Variants in PCDHGA1 observed in about 807,000 individuals in gnomAD.
The protein encoded by PCDHGA1 is protocadherin gamma-A1.
In PCDHGA1, 32 loss-of-function variants were observed where a neutral mutation model predicts 58.0. The ratio of observed to expected loss-of-function variants is 0.55; its 90% CI spans 0.42 to 0.74. The LOEUF is 0.74. Ranked by LOEUF, PCDHGA1 falls within the 30% of genes least tolerant of loss-of-function variation. The pLI, the probability that PCDHGA1 is intolerant of heterozygous loss-of-function variation, is 0.00. For missense variants in PCDHGA1, 1,205 were observed against 1,182.3 expected, an observed-to-expected ratio of 1.02 and a Z score of -0.28; for synonymous variants, 498 against 501.1, an observed-to-expected ratio of 0.99 and a Z score of 0.08.
At chr5:141,375,640 C>G (rs1375647493) in intron 1 of PCDHGA1, 1 of 1,614,226 alleles carries the variant, frequency 6.2e-7, no homozygotes, top group Non-Finnish European at 8.5e-7. Context: ...CCCTGCGCTC[C>G]TTCGACTATG....
At chr5:141,333,269 G>A in intron 1 of PCDHGA1, 164 bp downstream of exon 1, 2 of 997,224 alleles carry the variant, frequency 2.0e-6, no homozygotes, top group Admixed American at 5.4e-5. Context: ...ACGTTCATAT[G>A]CAGGTATATT....
At chr5:141,372,985 G>A (rs1018239187) in intron 1 of PCDHGA1, 2 of 639,950 alleles carry the variant, frequency 3.1e-6, no homozygotes, top group Non-Finnish European at 5.2e-6. Context: ...TATCTGTGTT[G>A]CAGTTGTTCT....
chr5:141,405,016 C>A (rs538744733), intron 1 of PCDHGA1: 1 of 1,614,006 alleles, frequency 6.2e-7, no homozygotes, highest in African/African-American at 1.3e-5. Flanking sequence ...AGGCCTCAGA[C>A]CTTACCCTCT....
chr5:141,491,800 C>G lies in PCDHGA1; in HGVS notation c.2422-3007C>G. The G allele has an allele frequency of 6.7e-7, 1 of 1,500,854 alleles. No individual in the cohort carries two copies. The highest frequency in any genetic ancestry group is 8.9e-7 in the Non-Finnish European group (1 of 1,125,316). 93.0% of individuals were successfully genotyped at this position (1,500,854 alleles called of 1,614,324 possible). A position where few individuals can be genotyped will look rare whatever the true frequency, so the allele number is the denominator to read the frequency against. ...GAACTTGCATCCACTCCTCTCCGGC[C>G]GGCTTGGTCGCTGGCTGCGCTCCAC... On this transcript the variant is annotated intron_variant, in intron 1 of 3. Transcript: ENST00000517417. The surrounding 1 kb of genome is among the most constrained non-coding windows in gnomAD (Gnocchi z 6.9).
At chr5:141,361,246 A>G in intron 1 of PCDHGA1, 2 of 1,613,980 alleles carry the variant, frequency 1.2e-6, no homozygotes, top group Non-Finnish European at 1.7e-6. Flanking sequence ...CTTGATAAAA[A>G]CGAGAGACAG....
chr5:141,455,924 G>A (rs2098837630), intron 1 of PCDHGA1, among the ~76,000 whole-genome samples: 1 of 149,978 alleles, frequency 6.7e-6, no homozygotes. Flanking sequence ...TTGAGACGGA[G>A]TCTCGCTCTG....
In PCDHGA1 at chr5:141,332,890, C is replaced by G. The variant is rs975621996; in HGVS notation, c.2206C>G (p.Pro736Ala). 1 of 1,614,248 alleles carries G rather than the reference C, an allele frequency of 6.2e-7. No homozygotes were observed. ...TTCGGGAGGCGGCTTAGCGAGCATGCCCGGTTCGCACTTTGTGGGCGTGGA... is the reference window on the plus strand; with the variant it reads ...TTCGGGAGGCGGCTTAGCGAGCATGGCCGGTTCGCACTTTGTGGGCGTGGA... ...QASGGGLASM[P>A]GSHFVGVDGV... Residue 736 changes from proline (P) to alanine (A), a missense_variant, in exon 1 of 4, where the codon CCC (proline) becomes GCC (alanine). Coordinates refer to ENST00000517417, the MANE Select transcript of PCDHGA1 (RefSeq NM_018912.3). This position sits in a 1 kb window ranked among gnomAD's most constrained non-coding sequence, Gnocchi z 4.6.
At chr5:141,415,475 C>T in intron 1 of PCDHGA1, 1 of 1,614,162 alleles carries the variant, frequency 6.2e-7, no homozygotes, top group Non-Finnish European at 8.5e-7. Flanking sequence ...ACCGCGGACT[C>T]GCGAAAGAGT....
chr5:141,465,782 T>G (rs2099109563), intron 1 of PCDHGA1, among the ~76,000 whole-genome samples: 1 of 152,076 alleles, frequency 6.6e-6, no homozygotes, highest in African/African-American at 2.4e-5. Flanking sequence ...TGTTACAGTT[T>G]TTTTTTTTTT....
At chr5:141,345,433 G>A in intron 1 of PCDHGA1, 1 of 1,613,934 alleles carries the variant, frequency 6.2e-7, no homozygotes, top group Non-Finnish European at 8.5e-7. Flanking sequence ...AACAACCCCA[G>A]AGGAGCCTCC....
rs762196896 is a variant in PCDHGA1 at position 141,332,443 on chromosome 5, C to T, written c.1759C>T (p.Leu587=). 8 of 1,613,914 alleles carry T rather than the reference C, an allele frequency of 5.0e-6. No individual in the cohort carries two copies. The highest frequency in any genetic ancestry group is 3.3e-5 in the South Asian group (3 of 91,078). Residue 587 remains leucine (L), a synonymous_variant, in exon 1 of 4, where the codon CTG becomes TTG. Coordinates refer to ENST00000517417, the MANE Select transcript of PCDHGA1 (RefSeq NM_018912.3). The surrounding 1 kb of genome is among the most constrained non-coding windows in gnomAD (Gnocchi z 4.6). The stretch of plus-strand genomic sequence containing the variant: ...GCCCCTCTCCGCAGAGCCCGGCTAC[C>T]TGGTGACCAAGGTGGTGGCGGTGGA... ...LAPLSAEPGY[L]VTKVVAVDRD...
At position 141,421,819 on chromosome 5, in the gene PCDHGA1, G is replaced by C. The variant is rs752366104; in HGVS notation, c.2422-72988G>C. The C allele has an allele frequency of 3.8e-5, 61 of 1,613,688 alleles. No homozygotes were observed. Among genetic ancestry groups the C allele is most frequent in the Non-Finnish European group, 4.9e-5 (58 of 1,179,892 alleles). ...GGCCAAGAATCCAGAGCTAGTACTG[G>C]AGGGAAGCCTGGACCGAGAGAAAGA... On this transcript the variant is annotated intron_variant, in intron 1 of 3. Coordinates refer to ENST00000517417, the MANE Select transcript of PCDHGA1 (RefSeq NM_018912.3).
chr5:141,383,660 A>G (rs748941284), intron 1 of PCDHGA1: 1 of 1,614,030 alleles, frequency 6.2e-7, no homozygotes, highest in South Asian at 1.1e-5. Flanking sequence ...GTCCCCGAGA[A>G]TGTGCCAGTG....
intron 1 of PCDHGA1, chr5:141,388,789 T>G: frequency 1.9e-6 from 3 of 1,613,948 alleles, no homozygotes; most frequent in Non-Finnish European, 2.5e-6. Flanking sequence ...ATTACTGTTT[T>G]AAATACATTA....
rs375601709 is a variant in PCDHGA1, at chr5:141,332,691, C to G, written c.2007C>G (p.Ser669=). 2.5e-6 allele frequency: 4 copies of G among 1,613,740 alleles called. No homozygotes were observed. The highest frequency in any genetic ancestry group is 3.4e-6 in the Non-Finnish European group (4 of 1,179,958). The part of the protein sequence containing the change: ...TLTVAVADRI[S]DILADLGSLE... ...CCGTGGCCGTGGCCGACAGGATCTC[C>G]GACATCCTGGCCGACCTGGGCAGCC... The change falls in exon 1 of 4, where the codon TCC becomes TCG. Residue 669 remains serine (S), a synonymous_variant. Transcript: ENST00000517417. The surrounding 1 kb of genome is among the most constrained non-coding windows in gnomAD (Gnocchi z 4.6).
intron 1 of PCDHGA1, chr5:141,412,979 C>A: frequency 1.8e-6 from 1 of 542,930 alleles, no homozygotes; most frequent in Non-Finnish European, 3.2e-6. Flanking sequence ...AAAACGCAGC[C>A]AGAGCTCAAT....
chr5:141,405,609 G>A, intron 1 of PCDHGA1: 1 of 562,334 alleles, frequency 1.8e-6, no homozygotes. Context: ...AGAATAACTG[G>A]GACTACAGGC....
At chr5:141,366,220 A>C in intron 1 of PCDHGA1, 1 of 1,613,804 alleles carries the variant, frequency 6.2e-7, no homozygotes, top group Non-Finnish European at 8.5e-7. Context: ...GCACAGCGCG[A>C]GCCCTGCTGG....
At chr5:141,446,390 G>A (rs2098500089) in intron 1 of PCDHGA1, among the ~76,000 whole-genome samples, 1 of 152,284 alleles carries the variant, frequency 6.6e-6, no homozygotes, top group African/African-American at 2.4e-5. Context: ...ATAGATTTAA[G>A]AGAAATCGAG....
Sources: allele counts gnomAD v4.1 joint callset (sites outside exome capture counted in the v4.1 genomes callset), GRCh38; gene constraint gnomAD v4.1.1; non-coding constraint Gnocchi (gnomAD v3.1); transcripts MANE v1.5; gene names NCBI Gene and HGNC (gene_info 2026-07-23, HGNC 2026-07-21).